The following DCAF8L2 variants were observed in gnomAD, a reference collection of about 807,000 sequenced individuals.
DCAF8L2 encodes the protein DDB1 and CUL4 associated factor 8 like 2, also known as DDB1- and CUL4-associated factor 8-like protein 2.
For synonymous variants in DCAF8L2, 200 were observed against 190.9 expected, an observed-to-expected ratio of 1.05 and a Z score of -0.39; for missense variants, 430 against 490.7, an observed-to-expected ratio of 0.88 and a Z score of 1.17.
At chrX:27,469,178 G>T in the DCAF8L2 span, among the ~76,000 whole-genome samples, 1 of 112,020 alleles carries the variant, frequency 8.9e-6, no homozygotes, top group African/African-American at 3.2e-5. Context: ...GTAAATTTTA[G>T]GCACTGACTT....
At chrX:27,742,674 A>G (rs949562103) in intron 4 of DCAF8L2, among the ~76,000 whole-genome samples, 3 of 111,972 alleles carry the variant, frequency 2.7e-5, no homozygotes, top group African/African-American at 9.7e-5. Context: ...GATTCCTATC[A>G]GAAGTATACT....
intron 2 of DCAF8L2, among the ~76,000 whole-genome samples, chrX:27,675,921 G>C (rs1298233378): frequency 8.9e-6 from 1 of 112,222 alleles, no homozygotes; most frequent in Admixed American, 9.5e-5. Flanking sequence ...GTAATCCGCT[G>C]TCAAGGGATG....
the DCAF8L2 span, among the ~76,000 whole-genome samples, chrX:27,528,718 T>C: frequency 9.0e-6 from 1 of 110,606 alleles, no homozygotes; most frequent in Admixed American, 9.7e-5. Flanking sequence ...TTTCCAGTTT[T>C]TGAACTGCAT....
intron 2 of DCAF8L2, among the ~76,000 whole-genome samples, chrX:27,636,715 G>A (rs1928517164): frequency 9.0e-6 from 1 of 111,646 alleles, no homozygotes; most frequent in Admixed American, 9.5e-5. Flanking sequence ...AAAGAGTTGA[G>A]GGGAGAACCA....
chrX:27,521,046 AATT>A, the DCAF8L2 span, among the ~76,000 whole-genome samples: 2 of 112,310 alleles, frequency 1.8e-5, no homozygotes, highest in African/African-American at 3.2e-5. Flanking sequence ...TGTTTTATGA[AATT>A]ATTAAGTTAT....
chrX:27,613,341 A>T (rs1187192211), intron 1 of DCAF8L2, among the ~76,000 whole-genome samples: 1 of 111,805 alleles, frequency 8.9e-6, no homozygotes, highest in African/African-American at 3.3e-5. Context: ...CAGCTTAAGG[A>T]GATTTTGGGC....
intron 1 of DCAF8L2, among the ~76,000 whole-genome samples, chrX:27,630,404 G>T (rs191200790): frequency 9.0e-6 from 1 of 111,543 alleles, no homozygotes; most frequent in East Asian, 2.8e-4. Flanking sequence ...AAAAGCCCCT[G>T]ACCAGATGGC....
At chrX:27,601,541 A>C (rs1377682447) in intron 1 of DCAF8L2, among the ~76,000 whole-genome samples, 2 of 110,975 alleles carry the variant, frequency 1.8e-5, no homozygotes, top group Admixed American at 1.9e-4. Flanking sequence ...CTCTAGTAAA[A>C]ATACAGAAGT....
At chrX:27,652,972 A>T (rs763317742) in intron 2 of DCAF8L2, among the ~76,000 whole-genome samples, 1 of 112,413 alleles carries the variant, frequency 8.9e-6, no homozygotes, top group Admixed American at 9.4e-5. Flanking sequence ...ATGGCTAGAG[A>T]GTAAGACCAT....
chrX:27,556,407 A>G, the DCAF8L2 span, among the ~76,000 whole-genome samples: 337 of 111,414 alleles, frequency 3.0e-3, no homozygotes, highest in Non-Finnish European at 5.2e-3. Context: ...GCCATTTTTT[A>G]TATTATAATA....
intron 1 of DCAF8L2, among the ~76,000 whole-genome samples, chrX:27,626,938 G>A (rs769480412): frequency 9.7e-4 from 108 of 111,278 alleles, no homozygotes; most frequent in African/African-American, 3.5e-3. Flanking sequence ...TCTGATTAGA[G>A]CTTTCAGAAA....
At chrX:27,501,655 C>T in the DCAF8L2 span, among the ~76,000 whole-genome samples, 28 of 110,824 alleles carry the variant, frequency 2.5e-4, no homozygotes, top group East Asian at 8.1e-3. Flanking sequence ...GAGAAATCAC[C>T]AACTCTCCGT....
At chrX:27,605,092 T>C (rs766765007) in intron 1 of DCAF8L2, among the ~76,000 whole-genome samples, 21 of 111,229 alleles carry the variant, frequency 1.9e-4, no homozygotes, top group Non-Finnish European at 1.7e-4. Context: ...GGCTATGAGG[T>C]TGGACCTGTG....
the DCAF8L2 span, among the ~76,000 whole-genome samples, chrX:27,521,248 G>A: frequency 1.8e-5 from 2 of 111,636 alleles, no homozygotes; most frequent in African/African-American, 3.2e-5. Context: ...TAATTTTTCC[G>A]TCACCAGAAT....
At chrX:27,654,667 T>C (rs746791113) in intron 2 of DCAF8L2, among the ~76,000 whole-genome samples, 13 of 111,669 alleles carry the variant, frequency 1.2e-4, no homozygotes, top group Non-Finnish European at 1.9e-4. Flanking sequence ...ATATTCTATA[T>C]TGTATTGTGA....
intron 1 of DCAF8L2, among the ~76,000 whole-genome samples, chrX:27,615,280 TA>T (rs1227015837): frequency 8.9e-6 from 1 of 111,884 alleles, no homozygotes; most frequent in Non-Finnish European, 1.9e-5. Context: ...GCCTTAGAAC[TA>T]AAAAGTCACA....
At chrX:27,728,369 A>G (rs181884760) in intron 4 of DCAF8L2, among the ~76,000 whole-genome samples, 58 of 109,901 alleles carry the variant, frequency 5.3e-4, no homozygotes, top group African/African-American at 1.7e-3. Context: ...CCTGCTTGGA[A>G]TCTCCTTTGG....
Position 27,748,435 on chromosome X carries a change from G to C in DCAF8L2, c.1540G>C (p.Gly514Arg). 1 of 1,206,646 alleles carries C rather than the reference G, an allele frequency of 8.3e-7. No individual in the cohort carries two copies. Among genetic ancestry groups the C allele is most frequent in the South Asian group, 1.8e-5 (1 of 56,172 alleles). ...IIQFLKGSRE[G>R]TINCLEPHPY... ...CCAGTTCCTAAAGGGGAGCAGAGAAGGTACAATAAACTGTCTTGAACCCCA... is the reference window on the plus strand; with the variant it reads ...CCAGTTCCTAAAGGGGAGCAGAGAACGTACAATAAACTGTCTTGAACCCCA... Residue 514 changes from glycine to arginine, a missense_variant, in exon 5 of 5, where the codon GGT (glycine) becomes CGT (arginine). By Grantham distance (125) the Gly-to-Arg change is moderately radical (BLOSUM62 -2). Transcript: ENST00000451261.
At chrX:27,592,054 C>G (rs1196319098) in intron 1 of DCAF8L2, among the ~76,000 whole-genome samples, 1 of 112,815 alleles carries the variant, frequency 8.9e-6, no homozygotes, top group Non-Finnish European at 1.9e-5. Flanking sequence ...TCACCACCCA[C>G]CGGGTCCCCT....
Sources: allele counts gnomAD v4.1 joint callset (sites outside exome capture counted in the v4.1 genomes callset), GRCh38; gene constraint gnomAD v4.1.1; transcripts MANE v1.5; gene names NCBI Gene and HGNC (gene_info 2026-07-23, HGNC 2026-07-21).